The following PGM5 variants were observed in gnomAD, a reference collection of about 807,000 sequenced individuals.
PGM5 encodes phosphoglucomutase-like protein 5.
PGM5 carries 23 observed loss-of-function variants against 59.2 expected under a neutral mutation model. The observed-to-expected ratio is 0.39, with a 90% CI of 0.28 to 0.55. The LOEUF is 0.55. Ranked by LOEUF, PGM5 falls within the 20% of genes least tolerant of loss-of-function variation. The pLI, the probability that PGM5 is intolerant of heterozygous loss-of-function variation, is 0.66. For synonymous variants in PGM5, 214 were observed against 286.0 expected, an observed-to-expected ratio of 0.75 and a Z score of 2.54; for missense variants, 574 against 748.3, an observed-to-expected ratio of 0.77 and a Z score of 2.72.
intron 10 of PGM5, among the ~76,000 whole-genome samples, 181 bp downstream of exon 10, chr9:68,499,542 GA>G (rs1323452667): frequency 3.9e-5 from 6 of 152,202 alleles, no homozygotes; most frequent in Non-Finnish European, 8.8e-5. Flanking sequence ...GTTTGAAACA[GA>G]AAAATTGCTC....
At chr9:68,495,838 G>A (rs1284652309) in intron 9 of PGM5, among the ~76,000 whole-genome samples, 1 of 152,134 alleles carries the variant, frequency 6.6e-6, no homozygotes, top group Non-Finnish European at 1.5e-5. Flanking sequence ...ATGCTGTAGG[G>A]ATAAAAGGCA....
chr9:68,433,187 C>G (rs564338244), intron 6 of PGM5, among the ~76,000 whole-genome samples: 27 of 152,276 alleles, frequency 1.8e-4, no homozygotes, highest in Admixed American at 7.2e-4. Context: ...AAGTTAAAAA[C>G]CCTTTGTCCC....
chr9:68,508,616 C>A (rs929359485), intron 10 of PGM5, among the ~76,000 whole-genome samples: 3 of 152,182 alleles, frequency 2.0e-5, no homozygotes, highest in Non-Finnish European at 4.4e-5. Context: ...ATCACCAAGT[C>A]TTGCTGGATC....
intron 6 of PGM5, among the ~76,000 whole-genome samples, chr9:68,408,671 A>G (rs1587798205): frequency 6.6e-6 from 1 of 152,234 alleles, no homozygotes; most frequent in South Asian, 2.1e-4. Context: ...CTGAATGGTA[A>G]TGCCTAGGTT....
chr9:68,426,305 C>G (rs1383298509), intron 6 of PGM5, among the ~76,000 whole-genome samples: 2 of 151,092 alleles, frequency 1.3e-5, no homozygotes, highest in African/African-American at 4.9e-5. Flanking sequence ...GCCTATTTTC[C>G]AGGATTATTG....
intron 6 of PGM5, among the ~76,000 whole-genome samples, chr9:68,410,556 G>C (rs1186654984): frequency 1.3e-5 from 2 of 151,858 alleles, no homozygotes; most frequent in South Asian, 4.1e-4. Flanking sequence ...TGAGGATGAT[G>C]ATGAGGAGGA....
intron 9 of PGM5, among the ~76,000 whole-genome samples, chr9:68,492,913 T>C (rs561290631): frequency 1.3e-5 from 2 of 152,332 alleles, no homozygotes; most frequent in South Asian, 4.1e-4. Flanking sequence ...ATCTTCACCT[T>C]GACGCTTTCC....
At chr9:68,467,033 A>G (rs1344358869) in intron 7 of PGM5, among the ~76,000 whole-genome samples, 4 of 152,134 alleles carry the variant, frequency 2.6e-5, no homozygotes, top group Non-Finnish European at 5.9e-5. Flanking sequence ...TAGGAACATA[A>G]AGCATTTGTT....
At chr9:68,442,689 T>A (rs1281531604) in intron 6 of PGM5, among the ~76,000 whole-genome samples, 3 of 152,206 alleles carry the variant, frequency 2.0e-5, no homozygotes, top group African/African-American at 7.2e-5. Flanking sequence ...AGGTATAATC[T>A]TTTCAACATA....
chr9:68,469,604 T>A (rs1486332376), intron 7 of PGM5, among the ~76,000 whole-genome samples: 12 of 152,218 alleles, frequency 7.9e-5, no homozygotes, highest in African/African-American at 2.9e-4. Flanking sequence ...CAAGGACTCT[T>A]GAGTATCTTT....
chr9:68,499,022 C>T (rs1015151490), intron 9 of PGM5: 20 of 559,824 alleles, frequency 3.6e-5, no homozygotes, highest in Middle Eastern at 4.0e-4. Context: ...CACAAAGCAA[C>T]GGAAATAGAA....
chr9:68,380,678 A>G (rs1587780088), intron 2 of PGM5, among the ~76,000 whole-genome samples: 1 of 151,964 alleles, frequency 6.6e-6, no homozygotes, highest in East Asian at 1.9e-4. Flanking sequence ...AAAAAATAAA[A>G]TCTACAAACT....
In PGM5 at chr9:68,479,470, C is replaced by T; in HGVS notation, c.1212C>T (p.Leu404=). The T allele has an allele frequency of 6.2e-7, 1 of 1,614,030 alleles. No homozygotes were observed. ...GCCTGTGGGCTGTCTTGGTCTGGCT[C>T]TCCATTATTGCTGCCCGGAAGCAGA... The part of the protein sequence containing the change: ...KDGLWAVLVW[L]SIIAARKQSV... The change falls in exon 8 of 11, where the codon CTC becomes CTT. Residue 404 remains leucine, a synonymous_variant. Transcript: ENST00000396396.
intron 1 of PGM5, among the ~76,000 whole-genome samples, chr9:68,361,883 T>C (rs1834586314): frequency 1.3e-5 from 2 of 152,094 alleles, no homozygotes; most frequent in Admixed American, 6.6e-5. Context: ...CATCCCATCA[T>C]TAGTGATGGT....
chr9:68,392,548 G>A (rs1288277171), intron 6 of PGM5, 75 bp downstream of exon 6: 12 of 1,581,290 alleles, frequency 7.6e-6, no homozygotes, highest in Middle Eastern at 2.3e-4. Flanking sequence ...GGTTGCTGGC[G>A]CTTATTCTCC....
intron 1 of PGM5, among the ~76,000 whole-genome samples, chr9:68,375,094 C>A (rs1414693731): frequency 1.3e-5 from 2 of 152,144 alleles, no homozygotes; most frequent in African/African-American, 4.8e-5. Context: ...GCAGGCCTTG[C>A]TCCCTCTTCA....
chr9:68,402,270 A>C (rs1264151938), intron 6 of PGM5: 1 of 132,654 alleles, frequency 7.5e-6, no homozygotes, highest in Non-Finnish European at 1.6e-5. Context: ...TCTCAAAAAA[A>C]TAAAAAAAGA....
At chr9:68,361,351 G>A (rs1834576172) in intron 1 of PGM5, among the ~76,000 whole-genome samples, 2 of 152,194 alleles carry the variant, frequency 1.3e-5, no homozygotes, top group Non-Finnish European at 2.9e-5. Flanking sequence ...TTGTCCTGCA[G>A]AATATTTCCC....
chr9:68,371,185 C>T (rs1437778689), intron 1 of PGM5, among the ~76,000 whole-genome samples: 1 of 152,196 alleles, frequency 6.6e-6, no homozygotes, highest in South Asian at 2.1e-4. Context: ...GGTGAGGTTG[C>T]CCTTCTTCCA....
Sources: allele counts gnomAD v4.1 joint callset (sites outside exome capture counted in the v4.1 genomes callset), GRCh38; gene constraint gnomAD v4.1.1; transcripts MANE v1.5; gene names NCBI Gene and HGNC (gene_info 2026-07-23, HGNC 2026-07-21).